AQR: variants seen among roughly 807,000 people sequenced by gnomAD.
AQR encodes the protein aquarius intron-binding spliceosomal factor.
A neutral mutation model predicts 180.5 loss-of-function variants in AQR; 61 were observed. The observed-to-expected ratio is 0.34, with a 90% CI of 0.28 to 0.42. AQR has a LOEUF of 0.42. AQR is among the 10% of genes least tolerant of loss of function. The pLI, the probability that AQR is intolerant of heterozygous loss-of-function variation, is 1.00. For missense variants in AQR, 1,281 were observed against 1,798.3 expected (o/e 0.71, Z 5.20); for synonymous variants, 551 against 588.8 (o/e 0.94, Z 0.93).
rs1380362896 is a variant in AQR at position 34,932,331 on chromosome 15, T to C, written c.887A>G (p.His296Arg). 1 of 1,610,442 alleles carries C rather than the reference T, an allele frequency of 6.2e-7. No homozygotes were observed. The highest frequency in any genetic ancestry group is 1.1e-5 in the South Asian group (1 of 91,002). ...ATCAATATTCACCTGGGAAAAAAGA[T>C]GGCCATCCTCTTCTCTACGAACAAG... ...SNLVRREEDG[H>R]LFSQLLDMLK... The change falls in exon 11 of 35, where the codon CAT becomes CGT. Residue 296 changes from histidine to arginine, a missense_variant. This residue lies in a region of AQR where 404 missense variants were observed against 490.9 expected (regional missense o/e 0.82). Coordinates refer to ENST00000156471, the MANE Select transcript of AQR (RefSeq NM_014691.3).
intron 15 of AQR, among the ~76,000 whole-genome samples, chr15:34,916,096 C>A (rs572510952): frequency 2.2e-4 from 34 of 152,268 alleles, no homozygotes; most frequent in African/African-American, 7.2e-4. Flanking sequence ...TTTAAAACTT[C>A]TTCCCTTATC....
chr15:34,878,296 G>T (rs1016822464), intron 27 of AQR, among the ~76,000 whole-genome samples: 1 of 143,850 alleles, frequency 7.0e-6, no homozygotes, highest in Non-Finnish European at 1.5e-5. Context: ...TGAGGCACTA[G>T]AAGTGTTTGA....
At chr15:34,906,831 C>T in intron 17 of AQR, 119 bp from the exon 18 acceptor site, 2 of 892,046 alleles carry the variant, frequency 2.2e-6, no homozygotes, top group Non-Finnish European at 3.3e-6. Flanking sequence ...CGTTGAGTGA[C>T]CAATGATTAT....
intron 2 of AQR, among the ~76,000 whole-genome samples, chr15:34,963,335 TGTC>T (rs2050290323): frequency 6.6e-6 from 1 of 152,192 alleles, no homozygotes; most frequent in African/African-American, 2.4e-5. Context: ...TTTGGGAATT[TGTC>T]ATATTATTTG....
chr15:34,942,145 A>T (rs1894032618), intron 6 of AQR, 65 bp from the exon 7 acceptor site: 1 of 1,273,276 alleles, frequency 7.9e-7, no homozygotes, highest in South Asian at 1.3e-5. Context: ...GTCTTTACAT[A>T]AGAAGTATAC....
At chr15:34,904,817 T>A (rs1183515365) in intron 18 of AQR, among the ~76,000 whole-genome samples, 1 of 152,008 alleles carries the variant, frequency 6.6e-6, no homozygotes, top group East Asian at 1.9e-4. Flanking sequence ...AAAGAACTTA[T>A]CTTTACTTTT....
chr15:34,912,653 A>C (rs1893518235), intron 16 of AQR, among the ~76,000 whole-genome samples: 1 of 152,202 alleles, frequency 6.6e-6, no homozygotes, highest in East Asian at 1.9e-4. Flanking sequence ...GGAAAAAAAA[A>C]AACAAGCTAG....
At chr15:34,875,865 C>T in intron 28 of AQR, 70 bp downstream of exon 28, 1 of 1,260,586 alleles carries the variant, frequency 7.9e-7, no homozygotes, top group Non-Finnish European at 1.2e-6. Context: ...CCAAACTGTA[C>T]AACTTTCTGA....
intron 20 of AQR, among the ~76,000 whole-genome samples, chr15:34,900,245 G>T (rs1261922764): frequency 6.6e-6 from 1 of 152,110 alleles, no homozygotes; most frequent in Non-Finnish European, 1.5e-5. Flanking sequence ...AAGAAAAAAA[G>T]ATTTTTTTCC....
At position 34,884,731 on chromosome 15, in the gene AQR, T is replaced by G; in HGVS notation, c.2821A>C (p.Met941Leu). ...TAGYFFLYQV[M>L]SRWEEYISKV... ...CTGATATACTCTTCCCAGCGAGACA[T>G]TACCTGTAGAAAAAAGGACTTGAAG... Residue 941 changes from methionine to leucine, a missense_variant, in exon 26 of 35, where the codon ATG becomes CTG. Coordinates refer to ENST00000156471, the MANE Select transcript of AQR (RefSeq NM_014691.3). The G allele has an allele frequency of 6.3e-7, 1 of 1,595,038 alleles. No homozygotes were observed. Among genetic ancestry groups the G allele is most frequent in the Non-Finnish European group, 8.5e-7 (1 of 1,174,526 alleles).
At chr15:34,904,641 GC>G in intron 18 of AQR, 136 bp from the exon 19 acceptor site, 2 of 733,176 alleles carry the variant, frequency 2.7e-6, no homozygotes, top group South Asian at 2.1e-5. Context: ...AAAGTAGAAT[GC>G]CCTCCACTCA....
In AQR at chr15:34,856,824, C is replaced by T; in HGVS notation, c.4426G>A (p.Asp1476Asn). 6.3e-7 allele frequency: 1 copy of T among 1,588,266 alleles called. No individual in the cohort carries two copies. The highest frequency in any genetic ancestry group is 8.6e-7 in the Non-Finnish European group (1 of 1,166,944). ...GTCTCTTCCGGGGCAGATGTGGCAT[C>T]CTGAGGTGTGTTAGCTTCTGCCGGT... The part of the protein sequence containing the change: ...SAPAEANTPQ[D>N]ATSAPEETK The change falls in exon 35 of 35, where the codon GAT becomes AAT. Residue 1476 changes from aspartate to asparagine, a missense_variant. By Grantham distance (23) the Asp-to-Asn change is conservative (BLOSUM62 1). This residue lies in a region of AQR where 182 missense variants were observed against 185.3 expected (regional missense o/e 0.98). Coordinates refer to ENST00000156471, the MANE Select transcript of AQR (RefSeq NM_014691.3).
In AQR at chr15:34,969,531, G is replaced by C; in HGVS notation, c.75+8C>G. On this transcript the variant is annotated splice_region_variant and intron_variant, in intron 1 of 34. Coordinates refer to ENST00000156471, the MANE Select transcript of AQR (RefSeq NM_014691.3). ...CCACTCACACACACCAGACTCGCCC[G>C]AGCTCACCTGGGTCACGAACTCCGC... is the stretch of plus-strand genomic sequence containing the variant. The C allele has an allele frequency of 6.2e-7, 1 of 1,613,452 alleles. No individual in the cohort carries two copies. The highest frequency in any genetic ancestry group is 1.1e-5 in the South Asian group (1 of 91,066).
intron 16 of AQR, among the ~76,000 whole-genome samples, chr15:34,912,458 G>A (rs1008295555): frequency 2.0e-5 from 3 of 151,656 alleles, no homozygotes; most frequent in Non-Finnish European, 4.4e-5. Flanking sequence ...TCTTCATAAA[G>A]ACCATTTCAA....
intron 25 of AQR, among the ~76,000 whole-genome samples, chr15:34,885,772 A>T (rs1893050928): frequency 6.6e-6 from 1 of 152,180 alleles, no homozygotes; most frequent in African/African-American, 2.4e-5. Context: ...AAACCATGAA[A>T]GCTGCTCATT....
chr15:34,927,934 C>T (rs1056730130), intron 12 of AQR, among the ~76,000 whole-genome samples: 2 of 152,174 alleles, frequency 1.3e-5, no homozygotes, highest in African/African-American at 4.8e-5. Flanking sequence ...CAGGAGAATG[C>T]TAGCAGCATC....
intron 18 of AQR, among the ~76,000 whole-genome samples, chr15:34,904,741 G>A (rs888486430): frequency 2.0e-5 from 3 of 150,672 alleles, no homozygotes; most frequent in African/African-American, 7.5e-5. Flanking sequence ...TAATGTTTAC[G>A]ATGCAACACC....
intron 16 of AQR, 118 bp from the exon 17 acceptor site, chr15:34,910,431 G>A: frequency 2.8e-6 from 3 of 1,055,138 alleles, no homozygotes; most frequent in East Asian, 2.6e-5. Flanking sequence ...CCTAATATTA[G>A]TAACTCTTAT....
At chr15:34,953,547 T>C (rs1449025380) in intron 3 of AQR, among the ~76,000 whole-genome samples, 2 of 152,232 alleles carry the variant, frequency 1.3e-5, no homozygotes, top group African/African-American at 2.4e-5. Flanking sequence ...TCTGATCTCT[T>C]ACATAGTTTC....
Sources: gnomAD v4.1 joint callset for allele counts (sites outside exome capture counted in the v4.1 genomes callset) on GRCh38, gnomAD v4.1.1 for gene constraint, gnomAD v4.1.1 regional missense constraint, MANE v1.5 for transcripts, NCBI Gene and HGNC (gene_info 2026-07-23, HGNC 2026-07-21) for gene names.